CCDC33: variants seen among roughly 807,000 people sequenced by gnomAD.
CCDC33 encodes coiled-coil domain-containing protein 33.
In CCDC33, 94 loss-of-function variants were observed where a neutral mutation model predicts 91.9. The observed-to-expected ratio is 1.02, with a 90% CI of 0.87 to 1.21. The LOEUF is 1.21. CCDC33 is among the 50% of genes most tolerant of loss of function. The pLI, the probability that CCDC33 is intolerant of heterozygous loss-of-function variation, is 0.00. For synonymous variants in CCDC33, 396 were observed against 374.5 expected, an observed-to-expected ratio of 1.06 and a Z score of -0.66; for missense variants, 940 against 935.5, an observed-to-expected ratio of 1.00 and a Z score of -0.06.
intron 2 of CCDC33, among the ~76,000 whole-genome samples, chr15:74,225,519 A>G (rs1312460624): frequency 6.6e-6 from 1 of 151,322 alleles, no homozygotes; most frequent in African/African-American, 2.4e-5. Flanking sequence ...CTCAACATGC[A>G]GAGACCCCCC....
At chr15:74,282,669 G>A (rs775247630) in intron 10 of CCDC33, among the ~76,000 whole-genome samples, 1 of 152,190 alleles carries the variant, frequency 6.6e-6, no homozygotes, top group Non-Finnish European at 1.5e-5. Context: ...CCAAGAATGA[G>A]GGTGTAAAAT....
intron 11 of CCDC33, among the ~76,000 whole-genome samples, chr15:74,315,027 C>T (rs1270415381): frequency 1.3e-5 from 2 of 152,146 alleles, no homozygotes; most frequent in East Asian, 1.9e-4. Flanking sequence ...GGTTTTATTG[C>T]GGGCAGTGAG....
At chr15:74,268,771 G>C (rs554592895) in intron 5 of CCDC33, among the ~76,000 whole-genome samples, 10 of 152,312 alleles carry the variant, frequency 6.6e-5, no homozygotes, top group African/African-American at 1.4e-4. Flanking sequence ...GTGGGGACCA[G>C]AGCCTGTCTC....
At chr15:74,271,530 T>G (rs1414136779) in intron 5 of CCDC33, among the ~76,000 whole-genome samples, 173 bp from the exon 6 acceptor site, 1 of 152,050 alleles carries the variant, frequency 6.6e-6, no homozygotes, top group African/African-American at 2.4e-5. Flanking sequence ...GAGGGCAGCC[T>G]GGTGCAAAGC....
At chr15:74,295,618 A>T in intron 10 of CCDC33, 136 bp from the exon 11 acceptor site, 1 of 643,840 alleles carries the variant, frequency 1.6e-6, no homozygotes, top group Non-Finnish European at 2.6e-6. Flanking sequence ...AGATGGTAGG[A>T]GGTGTGCACG....
intron 11 of CCDC33, among the ~76,000 whole-genome samples, chr15:74,326,082 T>C (rs2060304779): frequency 6.6e-6 from 1 of 152,178 alleles, no homozygotes; most frequent in Non-Finnish European, 1.5e-5. Context: ...CCCAGCACTT[T>C]GGGAGGTCAA....
chr15:74,236,510 C>A lies in CCDC33; in HGVS notation c.-210C>A. ...AGATCCAGGACCTGCTCCCACCTGG[C>A]CACCCTCCCCCTCCCCCCACATCCA... On this transcript the variant is annotated 5_prime_UTR_variant, in exon 1 of 19. Coordinates refer to ENST00000398814, the MANE Select transcript of CCDC33 (RefSeq NM_025055.5). 3.1e-6 allele frequency: 1 copy of A among 322,198 alleles called. No individual in the cohort carries two copies. Among genetic ancestry groups the A allele is most frequent in the South Asian group, 3.9e-5 (1 of 25,936 alleles). 20.0% of individuals were successfully genotyped at this position (322,198 alleles called of 1,614,324 possible). A position where few individuals can be genotyped will look rare whatever the true frequency, so the allele number is the denominator to read the frequency against.
chr15:74,260,152 C>A (rs1373018821), intron 2 of CCDC33, among the ~76,000 whole-genome samples: 1 of 152,206 alleles, frequency 6.6e-6, no homozygotes, highest in Non-Finnish European at 1.5e-5. Context: ...GGAGCCTAGG[C>A]ACAGAGCGTC....
At chr15:74,204,407 C>A (rs73432342) in intron 1 of CCDC33, among the ~76,000 whole-genome samples, 4,844 of 152,318 alleles carry the variant, frequency 0.032, 249 homozygotes, top group African/African-American at 0.11. Flanking sequence ...CCTATACAGG[C>A]GGCTGCTGTG....
chr15:74,226,614 G>A (rs113462468), intron 2 of CCDC33, among the ~76,000 whole-genome samples: 1,536 of 152,216 alleles, frequency 0.01, 23 homozygotes, highest in African/African-American at 0.024. Context: ...AGATCACAAG[G>A]TCAAGAGTTC....
chr15:74,245,395 TCCCCCAAC>T (rs2075491185), intron 2 of CCDC33, among the ~76,000 whole-genome samples: 1 of 152,096 alleles, frequency 6.6e-6, no homozygotes, highest in Non-Finnish European at 1.5e-5. Context: ...CGGCCATCCC[TCCCCCAAC>T]TCCATTTCCG....
At chr15:74,281,174 G>A (rs932456017) in intron 9 of CCDC33, among the ~76,000 whole-genome samples, 1 of 152,210 alleles carries the variant, frequency 6.6e-6, no homozygotes, top group Non-Finnish European at 1.5e-5. Context: ...AAGAGTCCTC[G>A]TCTGTAACAC....
At position 74,266,714 on chromosome 15, in the gene CCDC33, AG is replaced by A. The variant is rs1321952709; in HGVS notation, c.358del (p.Glu120SerfsTer23). The A allele has an allele frequency of 1.2e-6, 2 of 1,614,152 alleles. No individual in the cohort carries two copies. Among genetic ancestry groups the A allele is most frequent in the Non-Finnish European group, 1.7e-6 (2 of 1,179,968 alleles). ...AAGGTGGTGGACAACAGAAAGAAAC[AG>A]GAGTTGTTGTCCTACAAAATCCCCA... ...ILKVVDNRKK[Q>X]ELLSYKIPIK... On this transcript the variant is annotated frameshift_variant, in exon 4 of 19. Transcript: ENST00000398814. LOFTEE classifies it high-confidence loss of function.
chr15:74,243,798 AG>A, intron 1 of CCDC33, 186 bp from the exon 2 acceptor site: 1 of 672,476 alleles, frequency 1.5e-6, no homozygotes, highest in Non-Finnish European at 2.7e-6. Context: ...TACAAAAATT[AG>A]TTGGATGTGG....
At chr15:74,292,114 G>A (rs765228188) in intron 10 of CCDC33, among the ~76,000 whole-genome samples, 1 of 152,266 alleles carries the variant, frequency 6.6e-6, no homozygotes, top group African/African-American at 2.4e-5. Context: ...GCCCCAGCAG[G>A]CAGAGCAAGG....
At chr15:74,289,522 C>CG (rs1340851903) in intron 10 of CCDC33, among the ~76,000 whole-genome samples, 1 of 152,144 alleles carries the variant, frequency 6.6e-6, no homozygotes, top group Non-Finnish European at 1.5e-5. Context: ...GAGACCAGCC[C>CG]GGGCAACATG....
chr15:74,228,954 A>G (rs557418638), intron 2 of CCDC33, among the ~76,000 whole-genome samples: 1 of 152,116 alleles, frequency 6.6e-6, no homozygotes, highest in Admixed American at 6.5e-5. Context: ...AGAGGGAGGG[A>G]GCCCGGGCTG....
At chr15:74,333,997 G>C (rs745829731) in intron 17 of CCDC33, 30 bp downstream of exon 17, 29 of 1,586,448 alleles carry the variant, frequency 1.8e-5, no homozygotes, top group Non-Finnish European at 2.3e-5. Flanking sequence ...TGATGAGGCT[G>C]GATCAGGCTC....
At position 74,243,993 on chromosome 15, in the gene CCDC33, A is replaced by G; in HGVS notation, c.30A>G (p.Glu10=). ...CCTGGCTCTCCCCACAGAACACTGA[A>G]GACCCAGAGGAGCCCCTGATCGCCT... MGLKNKKNT[E]DPEEPLIASQ... Residue 10 remains glutamate (E), a synonymous_variant, in exon 2 of 19, where the codon GAA becomes GAG. Coordinates refer to ENST00000398814, the MANE Select transcript of CCDC33 (RefSeq NM_025055.5). The G allele has an allele frequency of 6.2e-7, 1 of 1,611,496 alleles. No homozygotes were observed. The highest frequency in any genetic ancestry group is 8.5e-7 in the Non-Finnish European group (1 of 1,179,172).
Sources: allele counts gnomAD v4.1 joint callset (sites outside exome capture counted in the v4.1 genomes callset), GRCh38; gene constraint gnomAD v4.1.1; transcripts MANE v1.5; gene names NCBI Gene and HGNC (gene_info 2026-07-23, HGNC 2026-07-21).